The following DNAJC1 variants were observed in gnomAD, a reference collection of about 807,000 sequenced individuals.
DNAJC1 encodes dnaJ homolog subfamily C member 1.
In DNAJC1, 58 loss-of-function variants were observed where a neutral mutation model predicts 76.6. The observed-to-expected ratio is 0.76, with a 90% CI of 0.61 to 0.94. The LOEUF (loss-of-function observed/expected upper bound fraction) is 0.94. Ranked by LOEUF, DNAJC1 falls within the 40% of genes least tolerant of loss-of-function variation. DNAJC1 has a pLI of 0.00. For synonymous variants in DNAJC1, 258 were observed against 267.9 expected (o/e 0.96, Z 0.36); for missense variants, 689 against 677.3 (o/e 1.02, Z -0.19).
chr10:21,994,745 C>A (rs766014130), intron 1 of DNAJC1, among the ~76,000 whole-genome samples: 1 of 151,878 alleles, frequency 6.6e-6, no homozygotes, highest in Non-Finnish European at 1.5e-5. Flanking sequence ...AAGCCGAGAT[C>A]GCGCCACTGC....
chr10:21,781,174 T>C (rs773901595), intron 9 of DNAJC1, among the ~76,000 whole-genome samples: 10 of 152,140 alleles, frequency 6.6e-5, no homozygotes, highest in Non-Finnish European at 1.3e-4. Context: ...CTGTCAACAT[T>C]AGACAGATCA....
intron 9 of DNAJC1, among the ~76,000 whole-genome samples, chr10:21,778,726 T>TTGAGCCCCAGTG (rs1554885503): frequency 6.6e-6 from 1 of 152,198 alleles, no homozygotes; most frequent in Non-Finnish European, 1.5e-5. Flanking sequence ...TTCATCTCAC[T>TTGAGCCCCAGTG]GGGGCTTGTC....
intron 1 of DNAJC1, among the ~76,000 whole-genome samples, chr10:21,963,859 TCTTTC>T (rs1179245969): frequency 2.6e-5 from 4 of 152,332 alleles, no homozygotes; most frequent in African/African-American, 7.2e-5. Context: ...TGTTTCTATT[TCTTTC>T]CTTTCCTTTC....
intron 1 of DNAJC1, among the ~76,000 whole-genome samples, chr10:21,977,854 T>C (rs745752376): frequency 3.3e-5 from 5 of 152,092 alleles, no homozygotes; most frequent in African/African-American, 4.8e-5. Flanking sequence ...TTGTCTAATA[T>C]AAAAATTCTT....
At chr10:21,837,839 C>T (rs1173893389) in intron 8 of DNAJC1, among the ~76,000 whole-genome samples, 28 of 138,942 alleles carry the variant, frequency 2.0e-4, no homozygotes, top group East Asian at 6.5e-4. Context: ...GGGCAGCCCC[C>T]GCCTGGCCAG....
rs183622397 is a variant in DNAJC1 at position 21,796,715 on chromosome 10, T to G, written c.1098+9265A>C. 1.8e-3 allele frequency among the ~76,000 whole-genome samples: 281 copies of G among 152,322 alleles called. 1 individual carries two copies. Among genetic ancestry groups the G allele is most frequent in the African/African-American group, 6.7e-3 (278 of 41,566 alleles). ...CTAATGATTAGAGATGTTGAGCACC[T>G]TTTCATATACCTGTTGGCCATTTCT... On this transcript the variant is annotated intron_variant, in intron 9 of 11. Transcript: ENST00000376980.
chr10:21,954,821 T>C (rs771685491), intron 1 of DNAJC1, among the ~76,000 whole-genome samples: 7 of 152,144 alleles, frequency 4.6e-5, no homozygotes, highest in Non-Finnish European at 1.0e-4. Context: ...TATTATAATA[T>C]AATGAGGAAA....
At chr10:21,761,716 T>C (rs1265286735) in intron 10 of DNAJC1, among the ~76,000 whole-genome samples, 3 of 152,170 alleles carry the variant, frequency 2.0e-5, no homozygotes, top group African/African-American at 7.2e-5. Flanking sequence ...ACACACCCTA[T>C]GTAGCTGCAT....
At chr10:21,901,522 G>C (rs1003226030) in intron 7 of DNAJC1, among the ~76,000 whole-genome samples, 11 of 152,096 alleles carry the variant, frequency 7.2e-5, no homozygotes, top group African/African-American at 2.7e-4. Context: ...ATAATAAAAA[G>C]TGCCCCAAAT....
intron 1 of DNAJC1, among the ~76,000 whole-genome samples, chr10:21,983,523 G>C (rs1000915143): frequency 6.6e-6 from 1 of 152,040 alleles, no homozygotes; most frequent in Non-Finnish European, 1.5e-5. Context: ...CCAGGAGTTC[G>C]AGACCAGCCT....
intron 8 of DNAJC1, among the ~76,000 whole-genome samples, chr10:21,839,935 GGCT>G: frequency 6.6e-6 from 1 of 152,270 alleles, no homozygotes; most frequent in East Asian, 1.9e-4. Flanking sequence ...TGGGATGCAA[GGCT>G]GGTTCAACAT....
chr10:21,826,237 C>CAAAAAAAAA (rs538301271), intron 8 of DNAJC1, among the ~76,000 whole-genome samples: 6 of 77,502 alleles, frequency 7.7e-5, no homozygotes, highest in African/African-American at 1.4e-4. Flanking sequence ...AGACTTTGTC[C>CAAAAAAAAA]AAAAAAAAAA....
At chr10:21,933,986 G>C (rs866822701) in intron 1 of DNAJC1, among the ~76,000 whole-genome samples, 1 of 152,056 alleles carries the variant, frequency 6.6e-6, no homozygotes. Context: ...GGTTATTTCA[G>C]AGGGAAATTT....
chr10:21,774,035 GGAGGCT>G (rs1834423998), intron 9 of DNAJC1, among the ~76,000 whole-genome samples: 1 of 149,236 alleles, frequency 6.7e-6, no homozygotes, highest in Non-Finnish European at 1.5e-5. Context: ...CAGCTACTTG[GGAGGCT>G]GAGGCAGGAG....
chr10:21,867,911 A>G (rs1345495829), intron 8 of DNAJC1, among the ~76,000 whole-genome samples: 3 of 150,774 alleles, frequency 2.0e-5, no homozygotes, highest in African/African-American at 2.4e-5. Context: ...GTCTCTACTA[A>G]AAATACAAAA....
chr10:21,895,366 C>G (rs1039059115), intron 7 of DNAJC1, among the ~76,000 whole-genome samples: 8 of 152,220 alleles, frequency 5.3e-5, no homozygotes, highest in African/African-American at 1.9e-4. Context: ...GAAGGGCCAC[C>G]CTTGCTGCAA....
chr10:21,791,235 T>C (rs1240242479), intron 9 of DNAJC1, among the ~76,000 whole-genome samples: 1 of 152,118 alleles, frequency 6.6e-6, no homozygotes, highest in Non-Finnish European at 1.5e-5. Context: ...ACCAGATACA[T>C]AAAAGCAAAT....
At position 21,859,792 on chromosome 10, in the gene DNAJC1, T is replaced by G. The variant is rs191280572; in HGVS notation, c.978+22490A>C. ...AAACTCTTGGAGAAAAAGTCAACTT[T>G]TTTTTTTTTGAGACGGAGTCTGGCT... On this transcript the variant is annotated intron_variant, in intron 8 of 11. Coordinates refer to ENST00000376980, the MANE Select transcript of DNAJC1 (RefSeq NM_022365.4). Among the ~76,000 whole-genome samples, 341 of 152,176 alleles carry G rather than the reference T, an allele frequency of 2.2e-3. 3 individuals are homozygous for G. Among genetic ancestry groups the G allele is most frequent in the African/African-American group, 7.8e-3 (325 of 41,528 alleles).
chr10:21,859,129 G>A (rs753416200), intron 8 of DNAJC1, among the ~76,000 whole-genome samples: 24 of 152,136 alleles, frequency 1.6e-4, no homozygotes, highest in Non-Finnish European at 2.2e-4. Context: ...CACTGTCACT[G>A]ATGAAAGCCC....
Sources: allele counts gnomAD v4.1 joint callset (sites outside exome capture counted in the v4.1 genomes callset), GRCh38; gene constraint gnomAD v4.1.1; transcripts MANE v1.5; gene names NCBI Gene and HGNC (gene_info 2026-07-23, HGNC 2026-07-21).